INPP5K: variants seen among roughly 807,000 people sequenced by gnomAD.
The protein encoded by INPP5K is inositol polyphosphate-5-phosphatase K, also known as inositol polyphosphate 5-phosphatase K.
Under a neutral mutation model 53.5 loss-of-function variants are expected in INPP5K, and 35 were observed. The ratio of observed to expected loss-of-function variants is 0.65; its 90% CI spans 0.50 to 0.87. INPP5K has a LOEUF of 0.87. Ranked by LOEUF, INPP5K falls within the 40% of genes least tolerant of loss-of-function variation. INPP5K has a pLI of 0.00. For missense variants in INPP5K, 550 were observed against 586.2 expected (o/e 0.94, Z 0.64); for synonymous variants, 253 against 232.8 (o/e 1.09, Z -0.79).
At chr17:1,503,751 G>T (rs2075090675) in intron 7 of INPP5K, among the ~76,000 whole-genome samples, 1 of 152,100 alleles carries the variant, frequency 6.6e-6, no homozygotes, top group Non-Finnish European at 1.5e-5. Context: ...TGGGCTCACA[G>T]TGGCAACTAT....
At position 1,516,493 on chromosome 17, in the gene INPP5K, A is replaced by G. The variant is rs575192737; in HGVS notation, c.7T>C (p.Ser3Pro). 169 of 1,584,786 alleles carry G rather than the reference A, an allele frequency of 1.1e-4. 1 individual carries two copies. In the South Asian group the frequency reaches 1.3e-3, roughly 12 times the overall value. The change falls in exon 1 of 12, where the codon TCG (serine) becomes CCG (proline). Residue 3 changes from serine (S) to proline (P), a missense_variant. Coordinates refer to ENST00000421807, the MANE Select transcript of INPP5K (RefSeq NM_016532.4). MS[S>P]RKLSGPKGRR... is the part of the protein sequence containing the mutation. Reference sequence around the variant, plus strand: ...CCTTTCGGCCCGCTCAGCTTCCGCGAGCTCATGGCCGCCGTCGTCCCCGCG... The same window carrying G: ...CCTTTCGGCCCGCTCAGCTTCCGCGGGCTCATGGCCGCCGTCGTCCCCGCG...
intron 7 of INPP5K, among the ~76,000 whole-genome samples, chr17:1,503,081 T>C (rs1337983202): frequency 2.0e-5 from 3 of 151,950 alleles, no homozygotes; most frequent in African/African-American, 7.3e-5. Context: ...AGATGGGGTT[T>C]CACCATGTTG....
At chr17:1,508,263 A>G in intron 5 of INPP5K, 37 bp from the exon 6 acceptor site, 1 of 1,522,718 alleles carries the variant, frequency 6.6e-7, no homozygotes. Flanking sequence ...AGGATTTGTG[A>G]TGAAGTCGGG....
chr17:1,504,171 G>A (rs1182701095), intron 7 of INPP5K, among the ~76,000 whole-genome samples: 1 of 152,104 alleles, frequency 6.6e-6, no homozygotes, highest in Non-Finnish European at 1.5e-5. Flanking sequence ...CTACTCCCAG[G>A]GATGGTCCTA....
chr17:1,513,692 G>T, intron 2 of INPP5K, 131 bp from the exon 3 acceptor site: 1 of 928,462 alleles, frequency 1.1e-6, no homozygotes, highest in Non-Finnish European at 1.7e-6. Context: ...TCCCCTGCCT[G>T]CTGATCTCCA....
intron 2 of INPP5K, 49 bp from the exon 3 acceptor site, chr17:1,513,610 C>T: frequency 3.4e-6 from 5 of 1,475,642 alleles, no homozygotes; most frequent in Non-Finnish European, 4.7e-6. Flanking sequence ...AGGCTACTTC[C>T]CCTGCCACAG....
chr17:1,506,236 C>G (rs954087863), intron 7 of INPP5K, among the ~76,000 whole-genome samples: 2 of 152,130 alleles, frequency 1.3e-5, no homozygotes, highest in African/African-American at 4.8e-5. Context: ...GTTGGTCAGG[C>G]TGGTCTCAAA....
In INPP5K at chr17:1,516,571, C is replaced by T; in HGVS notation, c.-72G>A. ...GGCCAGCGGGTCCCGGCCAGAGCAGCCCTGCGGGCGGCCGGTCTCACGCGC... is the reference window on the plus strand; with the variant it reads ...GGCCAGCGGGTCCCGGCCAGAGCAGTCCTGCGGGCGGCCGGTCTCACGCGC... On this transcript the variant is annotated 5_prime_UTR_variant, in exon 1 of 12. Coordinates refer to ENST00000421807, the MANE Select transcript of INPP5K (RefSeq NM_016532.4). 6.9e-7 allele frequency: 1 copy of T among 1,451,548 alleles called. No homozygotes were observed. Among genetic ancestry groups the T allele is most frequent in the Non-Finnish European group, 9.0e-7 (1 of 1,110,372 alleles). The allele number at this position is 1,451,548 out of a possible 1,614,324, so 89.9% of individuals were successfully genotyped here.
chr17:1,515,738 G>T, intron 1 of INPP5K: 2 of 609,586 alleles, frequency 3.3e-6, no homozygotes, highest in Non-Finnish European at 4.1e-6. Context: ...GTCCCTCCCT[G>T]TTAGCATAAA....
At position 1,496,790 on chromosome 17, in the gene INPP5K, A is replaced by C; in HGVS notation, c.977T>G (p.Val326Gly). ...GTFDLELKPL[V>G]SAPLIVLMPE... is the part of the protein sequence containing the mutation. Reference sequence around the variant, plus strand: ...CATCAGGACGATCAGCGGAGCAGACACCAATGGCTTCAGCTAGACACGGGG... The same window carrying C: ...CATCAGGACGATCAGCGGAGCAGACCCCAATGGCTTCAGCTAGACACGGGG... Residue 326 changes from valine (V) to glycine (G), a missense_variant, in exon 9 of 12, where the codon GTG (valine) becomes GGG (glycine). By Grantham distance (109) the Val-to-Gly change is moderately radical. Coordinates refer to ENST00000421807, the MANE Select transcript of INPP5K (RefSeq NM_016532.4). 2 of 1,614,070 alleles carry C rather than the reference A, an allele frequency of 1.2e-6. No homozygotes were observed. Among genetic ancestry groups the C allele is most frequent in the East Asian group, 4.5e-5 (2 of 44,882 alleles).
At chr17:1,498,306 A>G (rs763942744) in intron 7 of INPP5K, 184 bp from the exon 8 acceptor site, 7 of 504,180 alleles carry the variant, frequency 1.4e-5, no homozygotes, top group Non-Finnish European at 2.1e-5. Flanking sequence ...AACAGAATCC[A>G]AAGTATGCCA....
At chr17:1,512,605 A>G (rs2075334786) in intron 3 of INPP5K, among the ~76,000 whole-genome samples, 2 of 152,102 alleles carry the variant, frequency 1.3e-5, no homozygotes, top group Admixed American at 6.5e-5. Context: ...TGTGAATGGG[A>G]GTGTGTTTCA....
chr17:1,500,351 G>A (rs1417353090), intron 7 of INPP5K, among the ~76,000 whole-genome samples: 1 of 151,212 alleles, frequency 6.6e-6, no homozygotes, highest in Non-Finnish European at 1.5e-5. Flanking sequence ...CCAGACATTA[G>A]CTTTTTGCTT....
In INPP5K at chr17:1,509,167, C is replaced by A. The variant is rs377277083; in HGVS notation, c.554+11G>T. 5 of 1,611,626 alleles carry A rather than the reference C, an allele frequency of 3.1e-6. No individual in the cohort carries two copies. The highest frequency in any genetic ancestry group is 4.2e-6 in the Non-Finnish European group (5 of 1,179,534). On this transcript the variant is annotated intron_variant, in intron 5 of 11. Transcript: ENST00000421807. ...AGAGGGCGGGGAACGGTCTGCCAGA[C>A]CCAGGCTCACTCGTGGTCCAGGATG...
chr17:1,513,040 A>G (rs1362546417), intron 3 of INPP5K, among the ~76,000 whole-genome samples: 1 of 152,218 alleles, frequency 6.6e-6, no homozygotes, highest in Non-Finnish European at 1.5e-5. Context: ...AAAATAACAT[A>G]TATACTATAA....
At chr17:1,515,380 C>T (rs762677755) in intron 1 of INPP5K, 15 of 972,422 alleles carry the variant, frequency 1.5e-5, no homozygotes, top group Non-Finnish European at 1.8e-5. Context: ...GATAAGGGGC[C>T]TCAATGACAC....
chr17:1,513,680 C>T, intron 2 of INPP5K, 119 bp from the exon 3 acceptor site: 3 of 957,380 alleles, frequency 3.1e-6, no homozygotes, highest in Non-Finnish European at 5.0e-6. Flanking sequence ...ATGAGGTCTC[C>T]CTCCCCTGCC....
chr17:1,514,246 C>T (rs1259923659), intron 1 of INPP5K, among the ~76,000 whole-genome samples: 1 of 151,676 alleles, frequency 6.6e-6, no homozygotes, highest in East Asian at 1.9e-4. Flanking sequence ...TTGCTTGAAC[C>T]CACGAGGCAG....
rs771202360 is a variant in INPP5K at position 1,495,830 on chromosome 17, T to C, written c.1340A>G (p.Gln447Arg). 6.2e-7 allele frequency: 1 copy of C among 1,612,610 alleles called. No homozygotes were observed. The highest frequency in any genetic ancestry group is 1.7e-5 in the Admixed American group (1 of 59,954). The change falls in exon 12 of 12, where the codon CAG becomes CGG. Residue 447 changes from glutamine (Q) to arginine (R), a missense_variant. Coordinates refer to ENST00000421807, the MANE Select transcript of INPP5K (RefSeq NM_016532.4). ...ATTCACTCCCATCCTGGCTCAGATC[T>C]GTGGCTGTGCTTCACCCAGTGGGTC... ...REDPLGEAQP[Q>R]I is the part of the protein sequence containing the mutation.
Sources: allele counts gnomAD v4.1 joint callset (sites outside exome capture counted in the v4.1 genomes callset), GRCh38; gene constraint gnomAD v4.1.1; transcripts MANE v1.5; gene names NCBI Gene and HGNC (gene_info 2026-07-23, HGNC 2026-07-21).